KBTBD12: variants seen among roughly 807,000 people sequenced by gnomAD.
KBTBD12 encodes the protein kelch repeat and BTB domain containing 12.
A neutral mutation model predicts 58.7 loss-of-function variants in KBTBD12; 53 were observed. The observed-to-expected ratio is 0.90, with a 90% CI of 0.72 to 1.14. KBTBD12 has a LOEUF of 1.14. Among genes scored for constraint, KBTBD12 ranks in the 50% most tolerant of loss-of-function variants. The pLI, the probability that KBTBD12 is intolerant of heterozygous loss-of-function variation, is 0.00. For missense variants in KBTBD12, 704 were observed against 751.3 expected (o/e 0.94, Z 0.74); for synonymous variants, 236 against 259.8 (o/e 0.91, Z 0.88).
intron 5 of KBTBD12, among the ~76,000 whole-genome samples, chr3:127,971,074 T>C (rs1940674223): frequency 6.6e-6 from 1 of 152,122 alleles, no homozygotes; most frequent in Non-Finnish European, 1.5e-5. Flanking sequence ...TGAGGGTGCT[T>C]AGAGGCAGGT....
intron 4 of KBTBD12, among the ~76,000 whole-genome samples, chr3:127,957,877 AT>A (rs1276944202): frequency 2.0e-5 from 3 of 152,200 alleles, no homozygotes; most frequent in African/African-American, 7.2e-5. Context: ...AGGAACCTTG[AT>A]TTCTGTTCAG....
chr3:127,945,556 G>A (rs1191682643), intron 4 of KBTBD12, among the ~76,000 whole-genome samples: 1 of 151,880 alleles, frequency 6.6e-6, no homozygotes, highest in Admixed American at 6.6e-5. Flanking sequence ...GTGATGATGA[G>A]CATCTTTTCA....
chr3:127,920,891 CAGTG>C (rs1366425594), intron 1 of KBTBD12, among the ~76,000 whole-genome samples: 3 of 151,860 alleles, frequency 2.0e-5, no homozygotes, highest in Non-Finnish European at 2.9e-5. Context: ...TAAATTGAAG[CAGTG>C]AGTAACTTCC....
At chr3:127,941,800 A>G (rs1447054613) in intron 4 of KBTBD12, among the ~76,000 whole-genome samples, 2 of 152,040 alleles carry the variant, frequency 1.3e-5, no homozygotes, top group South Asian at 4.1e-4. Flanking sequence ...GGGTTTCACC[A>G]TGTTGGCCAG....
chr3:127,924,198 C>G lies in KBTBD12; in HGVS notation c.1070+67C>G, dbSNP rs867107863. 9.3e-6 allele frequency: 9 copies of G among 963,282 alleles called. No individual in the cohort carries two copies. In the South Asian group the frequency reaches 1.4e-4, roughly 15 times the overall value. 59.7% of individuals were successfully genotyped at this position (963,282 alleles called of 1,614,324 possible). A position where few individuals can be genotyped will look rare whatever the true frequency, so the allele number is the denominator to read the frequency against. On this transcript the variant is annotated intron_variant, in intron 2 of 5. Coordinates refer to ENST00000405109, the MANE Select transcript of KBTBD12 (RefSeq NM_207335.4). ...ATACTAGCAGCAGTAGAAGAAAGAA[C>G]TGCAAAAAGTCATCACATCTTAAAT...
chr3:127,926,587 T>C (rs985108147), intron 2 of KBTBD12, among the ~76,000 whole-genome samples: 1 of 152,138 alleles, frequency 6.6e-6, no homozygotes, highest in Non-Finnish European at 1.5e-5. Flanking sequence ...GCCTTCTAAC[T>C]GCCCTGTCAA....
intron 3 of KBTBD12, among the ~76,000 whole-genome samples, chr3:127,929,647 A>T (rs1939655955): frequency 6.6e-6 from 1 of 152,192 alleles, no homozygotes; most frequent in Admixed American, 6.5e-5. Context: ...ATTATGGTGT[A>T]AAAATAATTA....
chr3:127,973,362 T>A (rs1940716694), intron 5 of KBTBD12, among the ~76,000 whole-genome samples: 1 of 152,098 alleles, frequency 6.6e-6, no homozygotes, highest in African/African-American at 2.4e-5. Flanking sequence ...CCTTCCTAAA[T>A]GAAAGGAGAC....
intron 3 of KBTBD12, chr3:127,928,256 A>G: frequency 3.7e-6 from 2 of 539,990 alleles, no homozygotes; most frequent in East Asian, 3.0e-5. Flanking sequence ...TTCAGTTTTC[A>G]TGCTGTGCTC....
At chr3:127,974,813 C>A (rs1435386360) in intron 5 of KBTBD12, among the ~76,000 whole-genome samples, 1 of 152,114 alleles carries the variant, frequency 6.6e-6, no homozygotes, top group Non-Finnish European at 1.5e-5. Flanking sequence ...CCCATCTCTA[C>A]TAAAAATACA....
intron 4 of KBTBD12, among the ~76,000 whole-genome samples, chr3:127,937,685 T>C (rs1939858061): frequency 6.6e-6 from 1 of 152,078 alleles, no homozygotes; most frequent in Admixed American, 6.6e-5. Context: ...AAGGCACTAA[T>C]GCACACAAAC....
Position 127,924,059 on chromosome 3 carries a change from C to T in KBTBD12, c.998C>T (p.Thr333Ile). 6.2e-7 allele frequency: 1 copy of T among 1,613,632 alleles called. No homozygotes were observed. The highest frequency in any genetic ancestry group is 8.5e-7 in the Non-Finnish European group (1 of 1,179,670). ...VCTGVVMENN[T>I]IIVAGEASAS... The stretch of plus-strand genomic sequence containing the variant: ...ACTGGTGTTGTCATGGAAAATAATA[C>T]TATAATTGTGGCTGGAGAAGCAAGT... Residue 333 changes from threonine to isoleucine, a missense_variant, in exon 2 of 6, where the codon ACT becomes ATT. Thr to Ile is a moderately conservative substitution (Grantham distance 89). Transcript: ENST00000405109.
At chr3:127,951,892 A>G (rs915146447) in intron 4 of KBTBD12, among the ~76,000 whole-genome samples, 1 of 151,358 alleles carries the variant, frequency 6.6e-6, no homozygotes, top group African/African-American at 2.4e-5. Flanking sequence ...CCAAGGTCTG[A>G]CATACTCTTA....
intron 1 of KBTBD12, among the ~76,000 whole-genome samples, chr3:127,918,529 G>C (rs1319630393): frequency 6.6e-6 from 1 of 152,062 alleles, no homozygotes; most frequent in Non-Finnish European, 1.5e-5. Context: ...TGGCTAACAC[G>C]GTGAAACCCC....
At chr3:127,946,283 GT>G (rs1475286194) in intron 4 of KBTBD12, among the ~76,000 whole-genome samples, 1 of 151,908 alleles carries the variant, frequency 6.6e-6, no homozygotes, top group African/African-American at 2.4e-5. Flanking sequence ...TTACCTTTAA[GT>G]TTTTTTCTTT....
intron 4 of KBTBD12, among the ~76,000 whole-genome samples, chr3:127,960,469 T>C (rs1206412465): frequency 1.3e-5 from 2 of 152,244 alleles, no homozygotes; most frequent in Non-Finnish European, 2.9e-5. Context: ...AAAGTCATGC[T>C]CAGAGGTTCG....
intron 1 of KBTBD12, among the ~76,000 whole-genome samples, chr3:127,922,279 A>C (rs1576369503): frequency 6.6e-6 from 1 of 152,234 alleles, no homozygotes; most frequent in Middle Eastern, 3.4e-3. Context: ...ATATAGTTTT[A>C]GGCATTTTCT....
chr3:127,947,787 G>C (rs549093573), intron 4 of KBTBD12, among the ~76,000 whole-genome samples: 13 of 152,258 alleles, frequency 8.5e-5, no homozygotes, highest in African/African-American at 2.9e-4. Context: ...CCTTCAGCAG[G>C]GTTCCTCTGT....
intron 2 of KBTBD12, 67 bp downstream of exon 2, chr3:127,924,198 C>A: frequency 2.1e-6 from 2 of 963,282 alleles, no homozygotes; most frequent in Non-Finnish European, 3.1e-6. Flanking sequence ...GAAGAAAGAA[C>A]TGCAAAAAGT....
Sources: allele counts gnomAD v4.1 joint callset (sites outside exome capture counted in the v4.1 genomes callset), GRCh38; gene constraint gnomAD v4.1.1; transcripts MANE v1.5; gene names NCBI Gene and HGNC (gene_info 2026-07-23, HGNC 2026-07-21).